Variants in USH2A observed in about 807,000 individuals in gnomAD.
The protein encoded by USH2A is usherin, also known as Usher syndrome 2A (autosomal recessive, mild).
USH2A carries 443 observed loss-of-function variants against 538.9 expected under a neutral mutation model. That is an observed-to-expected ratio of 0.82 (90% CI 0.76 to 0.89). The LOEUF is 0.89. Ranked by LOEUF, USH2A falls within the 40% of genes least tolerant of loss-of-function variation. The pLI is 0.00. For missense variants in USH2A, 6,633 were observed against 6,324.8 expected, an observed-to-expected ratio of 1.05 and a Z score of -1.65; for synonymous variants, 2,413 against 2,273.5, an observed-to-expected ratio of 1.06 and a Z score of -1.75.
intron 11 of USH2A, among the ~76,000 whole-genome samples, chr1:216,259,970 A>G (rs2102564507): frequency 6.6e-6 from 1 of 152,244 alleles, no homozygotes; most frequent in South Asian, 2.1e-4. Context: ...AATCAGAGAA[A>G]CTGCAGTACG....
At position 215,787,584 on chromosome 1, in the gene USH2A, G is replaced by T. The variant is rs777373010; in HGVS notation, c.10183-710C>A. ...CCCACACTACAAGAGCTATAAGTAA[G>T]GTAATAGTTTTATAATGTGGAGATC... is the stretch of plus-strand genomic sequence containing the variant. On this transcript the variant is annotated intron_variant, in intron 51 of 71. Coordinates refer to ENST00000307340, the MANE Select transcript of USH2A (RefSeq NM_206933.4). Among the ~76,000 whole-genome samples the T allele has an allele frequency of 4.1e-4, 62 of 152,074 alleles. 1 individual carries two copies. The highest frequency in any genetic ancestry group is 7.4e-5 in the Non-Finnish European group (5 of 68,018).
intron 4 of USH2A, among the ~76,000 whole-genome samples, chr1:216,338,439 C>T (rs946416129): frequency 2.6e-5 from 4 of 151,394 alleles, no homozygotes; most frequent in African/African-American, 7.3e-5. Flanking sequence ...ATCTCTACCT[C>T]ACACATTATA....
chr1:216,255,216 G>A (rs934934191), intron 11 of USH2A, among the ~76,000 whole-genome samples: 2 of 152,188 alleles, frequency 1.3e-5, no homozygotes, highest in Admixed American at 6.5e-5. Flanking sequence ...CAAGAGCAGA[G>A]AAAAGAAATG....
chr1:216,220,501 A>C (rs2035435600), intron 14 of USH2A, among the ~76,000 whole-genome samples: 1 of 151,332 alleles, frequency 6.6e-6, no homozygotes, highest in African/African-American at 2.4e-5. Flanking sequence ...AGGGATGGGA[A>C]GGGTAATTTT....
chr1:215,697,883 T>C (rs144562943), intron 61 of USH2A, among the ~76,000 whole-genome samples: 2,195 of 152,182 alleles, frequency 0.014, 93 homozygotes, highest in East Asian at 0.1. Flanking sequence ...AACATGCAGG[T>C]TTGTTACATA....
intron 38 of USH2A, among the ~76,000 whole-genome samples, chr1:215,932,217 A>G (rs1666381829): frequency 6.6e-6 from 1 of 152,036 alleles, no homozygotes; most frequent in Non-Finnish European, 1.5e-5. Context: ...CAATCCAACT[A>G]TAATGGAAAA....
At position 216,030,414 on chromosome 1, in the gene USH2A, TATATATCACAGACATATA is replaced by T. The variant is rs2102510709; in HGVS notation, c.6325+15999_6325+16016del. Among the ~76,000 whole-genome samples, 3 of 132,940 alleles carry T rather than the reference TATATATCACAGACATATA, an allele frequency of 2.3e-5. No homozygotes were observed. The Admixed American group carries it at 2.5e-4, about 11-fold the overall frequency. The allele number at this position is 132,940 out of a possible 152,430, so 87.2% of individuals were successfully genotyped here. On this transcript the variant is annotated intron_variant, in intron 32 of 71. Coordinates refer to ENST00000307340, the MANE Select transcript of USH2A (RefSeq NM_206933.4). Reference sequence around the variant, plus strand: ...CACAGATATATATATGATATATAGATATATATCACAGACATATAATATATATGATATATAGATATATAT... The same window carrying T: ...CACAGATATATATATGATATATAGATATATATATGATATATAGATATATAT...
At chr1:216,292,472 T>C (rs2037021659) in intron 9 of USH2A, 102 bp from the exon 10 acceptor site, 11 of 1,252,506 alleles carry the variant, frequency 8.8e-6, no homozygotes, top group South Asian at 1.4e-5. Flanking sequence ...CACATATCAG[T>C]GAGTTAAAAG....
chr1:216,130,811 T>C (rs1173396424), intron 21 of USH2A, among the ~76,000 whole-genome samples: 1 of 151,552 alleles, frequency 6.6e-6, no homozygotes, highest in Non-Finnish European at 1.5e-5. Flanking sequence ...ATAACTTCTT[T>C]TCCTCTGGGT....
chr1:215,786,594 G>T, intron 52 of USH2A, 76 bp downstream of exon 52: 1 of 1,498,314 alleles, frequency 6.7e-7, no homozygotes. Flanking sequence ...TGATGTCAGA[G>T]TGAAATAAAT....
intron 1 of USH2A, among the ~76,000 whole-genome samples, chr1:216,422,878 A>G (rs1349782746): frequency 6.6e-6 from 1 of 151,944 alleles, no homozygotes; most frequent in Non-Finnish European, 1.5e-5. Context: ...ACTTCACCCC[A>G]GGGAATTAGC....
At chr1:216,049,623 A>T (rs2030670760) in intron 30 of USH2A, among the ~76,000 whole-genome samples, 1 of 152,166 alleles carries the variant, frequency 6.6e-6, no homozygotes, top group Non-Finnish European at 1.5e-5. Context: ...CTCAGAGAAT[A>T]CATTATTGCT....
Position 216,235,997 on chromosome 1 carries a change from T to C in USH2A, c.2810-3861A>G, listed in dbSNP as rs146837128. Among the ~76,000 whole-genome samples, 355 of 152,264 alleles carry C rather than the reference T, an allele frequency of 2.3e-3. 1 individual carries two copies. The highest frequency in any genetic ancestry group is 3.8e-3 in the Non-Finnish European group (259 of 68,028). On this transcript the variant is annotated intron_variant, in intron 13 of 71. Coordinates refer to ENST00000307340, the MANE Select transcript of USH2A (RefSeq NM_206933.4). Reference sequence around the variant, plus strand: ...GTTTGTAAACTATATTTCAGTATAGTTGATGATGGTAGTTTTCAAATTAAA... The same window carrying C: ...GTTTGTAAACTATATTTCAGTATAGCTGATGATGGTAGTTTTCAAATTAAA...
chr1:216,146,285 A>G (rs952101759), intron 21 of USH2A, among the ~76,000 whole-genome samples: 2 of 152,060 alleles, frequency 1.3e-5, no homozygotes, highest in Non-Finnish European at 2.9e-5. Flanking sequence ...CCACACTTCA[A>G]TCTCTCCCTT....
At chr1:216,086,589 AT>A in intron 24 of USH2A, 129 bp downstream of exon 24, 1 of 759,098 alleles carries the variant, frequency 1.3e-6, no homozygotes, top group Non-Finnish European at 2.2e-6. Context: ...CCTAAAGGAA[AT>A]TTTTGGCACA....
chr1:215,626,183 C>T (rs1656016752), intron 71 of USH2A, among the ~76,000 whole-genome samples: 1 of 150,612 alleles, frequency 6.6e-6, no homozygotes, highest in South Asian at 2.1e-4. Context: ...TGTGTGTGTA[C>T]ATATATACTT....
intron 37 of USH2A, among the ~76,000 whole-genome samples, chr1:215,954,623 G>C (rs1667017433): frequency 6.6e-6 from 1 of 151,712 alleles, no homozygotes; most frequent in Non-Finnish European, 1.5e-5. Flanking sequence ...TAAATGACGA[G>C]CTAATGGGTG....
At chr1:215,986,859 C>T (rs910461740) in intron 35 of USH2A, among the ~76,000 whole-genome samples, 19 of 152,148 alleles carry the variant, frequency 1.2e-4, no homozygotes, top group African/African-American at 3.9e-4. Flanking sequence ...GCCTCTACTC[C>T]GTGGCACTCT....
chr1:215,947,862 A>G (rs75522035), intron 37 of USH2A, among the ~76,000 whole-genome samples: 4,887 of 152,320 alleles, frequency 0.032, 123 homozygotes, highest in South Asian at 0.084. Flanking sequence ...TTATAGCATA[A>G]TAATTTTTCT....
Sources: gnomAD v4.1 joint callset for allele counts (sites outside exome capture counted in the v4.1 genomes callset) on GRCh38, gnomAD v4.1.1 for gene constraint, MANE v1.5 for transcripts, NCBI Gene and HGNC (gene_info 2026-07-23, HGNC 2026-07-21) for gene names.